The following ANKRD27 variants were observed in gnomAD, a reference collection of about 807,000 sequenced individuals.
ANKRD27 encodes the protein ankyrin repeat domain 27.
In ANKRD27, 112 loss-of-function variants were observed where a neutral mutation model predicts 129.7. The observed-to-expected ratio is 0.86, with a 90% CI of 0.74 to 1.01. The LOEUF (loss-of-function observed/expected upper bound fraction) is 1.01, where lower values mean the gene tolerates loss of function less well. ANKRD27 is among the 50% of genes least tolerant of loss of function. The probability of loss-of-function intolerance (pLI) is 0.00; values close to 1 mark genes in which losing one functional copy is unlikely to be tolerated. For synonymous variants in ANKRD27, 516 were observed against 511.2 expected (o/e 1.01, Z -0.13); for missense variants, 1,258 against 1,300.5 (o/e 0.97, Z 0.50).
chr19:32,658,723 C>T (rs1297654827), intron 2 of ANKRD27, among the ~76,000 whole-genome samples, 191 bp downstream of exon 2: 1 of 152,224 alleles, frequency 6.6e-6, no homozygotes, highest in Non-Finnish European at 1.5e-5. Context: ...ACAGCCTGGA[C>T]TGCAGTCCCA....
At chr19:32,637,086 G>C (rs549939828) in intron 12 of ANKRD27, among the ~76,000 whole-genome samples, 1 of 152,136 alleles carries the variant, frequency 6.6e-6, no homozygotes, top group East Asian at 1.9e-4. Context: ...AAATATACAT[G>C]GGTAGGAAAA....
intron 1 of ANKRD27, among the ~76,000 whole-genome samples, chr19:32,660,451 G>A (rs1210318240): frequency 6.6e-6 from 1 of 152,230 alleles, no homozygotes; most frequent in Non-Finnish European, 1.5e-5. Context: ...CCAGGAGGCA[G>A]AGGTTGCAGT....
chr19:32,604,457 G>A (rs771873128), intron 24 of ANKRD27, 33 bp from the exon 25 acceptor site: 10 of 1,562,044 alleles, frequency 6.4e-6, no homozygotes, highest in South Asian at 5.8e-5. Context: ...CAAAAGGAAC[G>A]CTACGAAACG....
intron 3 of ANKRD27, among the ~76,000 whole-genome samples, chr19:32,649,253 G>A (rs1250916187): frequency 2.6e-5 from 4 of 152,106 alleles, no homozygotes; most frequent in East Asian, 1.9e-4. Flanking sequence ...AATTATAGGC[G>A]TAGGCCACCA....
rs57436745 is a variant in ANKRD27, at chr19:32,626,897, CACA to C, written c.1421-73_1421-71del. The C allele has an allele frequency of 0.016, 17,123 of 1,066,220 alleles. 1,878 individuals carry two copies. In the African/African-American group the frequency reaches 0.24, roughly 15 times the overall value. The allele number at this position is 1,066,220 out of a possible 1,614,324, so 66.0% of individuals were successfully genotyped here. ...GCCTTCCACACCTTAACTGTAAAAC[CACA>C]ACACTATTGCACCCTCCTAGTCCTG... On this transcript the variant is annotated intron_variant, in intron 15 of 28. Coordinates refer to ENST00000306065, the MANE Select transcript of ANKRD27 (RefSeq NM_032139.3).
At chr19:32,609,107 CA>C (rs57945865) in intron 22 of ANKRD27, among the ~76,000 whole-genome samples, 129,264 of 135,830 alleles carry the variant, frequency 0.95, 61,569 homozygotes, top group Non-Finnish European at 0.98. Flanking sequence ...ACTCCATCTC[CA>C]AAAAAAAAAA....
At chr19:32,630,547 T>C (rs1966975135) in intron 13 of ANKRD27, among the ~76,000 whole-genome samples, 2 of 152,146 alleles carry the variant, frequency 1.3e-5, no homozygotes, top group South Asian at 4.1e-4. Flanking sequence ...CCTGGAGGAA[T>C]TAGTAGTATT....
At position 32,615,574 on chromosome 19, in the gene ANKRD27, A is replaced by G. The variant is rs907739200; in HGVS notation, c.2175+84T>C. The G allele has an allele frequency of 2.5e-6, 4 of 1,608,926 alleles. No individual in the cohort carries two copies. In the African/African-American group the frequency reaches 5.4e-5, roughly 22 times the overall value. On this transcript the variant is annotated intron_variant, in intron 22 of 28. Transcript: ENST00000306065. ...ACTCCGGCCTGGGTGACAGAACGAGACCCTGTCTCAAAAAACAAAAACAAA... is the reference window on the plus strand; with the variant it reads ...ACTCCGGCCTGGGTGACAGAACGAGGCCCTGTCTCAAAAAACAAAAACAAA...
At chr19:32,635,919 C>T (rs1967079400) in intron 12 of ANKRD27, among the ~76,000 whole-genome samples, 3 of 152,198 alleles carry the variant, frequency 2.0e-5, no homozygotes, top group Admixed American at 2.0e-4. Context: ...GTTCAAGATT[C>T]AGCTGCGTCC....
At chr19:32,622,036 G>A (rs913430692) in intron 18 of ANKRD27, among the ~76,000 whole-genome samples, 12 of 152,238 alleles carry the variant, frequency 7.9e-5, no homozygotes, top group African/African-American at 1.2e-4. Flanking sequence ...AGAACTGGCC[G>A]AGTCTCAATA....
At chr19:32,665,289 A>AT (rs11324719) in intron 1 of ANKRD27, among the ~76,000 whole-genome samples, 423 of 129,698 alleles carry the variant, frequency 3.3e-3, no homozygotes, top group African/African-American at 8.5e-3. Context: ...AAATTCATGA[A>AT]TTTTTTTTTT....
At chr19:32,661,220 T>TACACAC (rs71176143) in intron 1 of ANKRD27, among the ~76,000 whole-genome samples, 852 of 43,490 alleles carry the variant, frequency 0.02, 6 homozygotes, top group Middle Eastern at 0.038. Flanking sequence ...AAAAAAATTA[T>TACACAC]ACACACACAC....
intron 11 of ANKRD27, among the ~76,000 whole-genome samples, 184 bp downstream of exon 11, chr19:32,640,123 A>G (rs1037532974): frequency 1.3e-5 from 2 of 152,090 alleles, no homozygotes; most frequent in Non-Finnish European, 2.9e-5. Context: ...CACCATGCCC[A>G]GCTAATTTTT....
At chr19:32,640,254 T>A in intron 11 of ANKRD27, 53 bp downstream of exon 11, 1 of 1,489,878 alleles carries the variant, frequency 6.7e-7, no homozygotes, top group Non-Finnish European at 9.3e-7. Context: ...TGAGCCACCG[T>A]GCCCGGCCAA....
chr19:32,663,872 C>T lies in ANKRD27; in HGVS notation c.-30-4827G>A, dbSNP rs1290858347. ...GAGATCGAGACCATCCCGGCTAAAA[C>T]GGTGAAACCCCGTCTCTACTAAAAA... On this transcript the variant is annotated intron_variant, in intron 1 of 28. Coordinates refer to ENST00000306065, the MANE Select transcript of ANKRD27 (RefSeq NM_032139.3). Among the ~76,000 whole-genome samples, 8 of 151,378 alleles carry T rather than the reference C, an allele frequency of 5.3e-5. No individual in the cohort carries two copies. In the East Asian group the frequency reaches 5.8e-4, roughly 11 times the overall value.
At chr19:32,641,389 T>A (rs731673) in intron 10 of ANKRD27, among the ~76,000 whole-genome samples, 42 of 151,826 alleles carry the variant, frequency 2.8e-4, no homozygotes, top group Non-Finnish European at 4.9e-4. Flanking sequence ...TCACTTCCAT[T>A]TTATAGACAT....
At chr19:32,649,816 C>G (rs1397084217) in intron 2 of ANKRD27, 24 bp from the exon 3 acceptor site, 2 of 1,480,816 alleles carry the variant, frequency 1.4e-6, no homozygotes, top group Non-Finnish European at 1.9e-6. Flanking sequence ...TTCGGGGCAA[C>G]ATTAGACAGA....
chr19:32,615,608 CA>C, intron 22 of ANKRD27, 49 bp downstream of exon 22: 1 of 1,613,832 alleles, frequency 6.2e-7, no homozygotes, highest in Non-Finnish European at 8.5e-7. Context: ...AAAACAAAAA[CA>C]AAAATTGCCT....
In ANKRD27 at chr19:32,604,965, G is replaced by A. The variant is rs76376142; in HGVS notation, c.2494-541C>T. On this transcript the variant is annotated intron_variant, in intron 24 of 28. Coordinates refer to ENST00000306065, the MANE Select transcript of ANKRD27 (RefSeq NM_032139.3). ...TGGGCGCCTGTAGTTCCAGCTATTC[G>A]GGAGGCTGAGGCAGGAGAATCGCTT... is the stretch of plus-strand genomic sequence containing the variant. 5.8e-3 allele frequency among the ~76,000 whole-genome samples: 887 copies of A among 152,186 alleles called. 32 individuals carry two copies. The East Asian group carries it at 0.098, about 17-fold the overall frequency.
Sources: allele counts gnomAD v4.1 joint callset (sites outside exome capture counted in the v4.1 genomes callset), GRCh38; gene constraint gnomAD v4.1.1; transcripts MANE v1.5; gene names NCBI Gene and HGNC (gene_info 2026-07-23, HGNC 2026-07-21).